The following CACNA1C variants were observed in gnomAD, a reference collection of about 807,000 sequenced individuals.
The protein encoded by CACNA1C is voltage-dependent L-type calcium channel subunit alpha-1C.
CACNA1C carries 30 observed loss-of-function variants against 229.0 expected under a neutral mutation model. The observed-to-expected ratio is 0.13, with a 90% confidence interval of 0.10 to 0.18. The LOEUF (loss-of-function observed/expected upper bound fraction) is 0.18, where lower values mean the gene tolerates loss of function less well. Ranked by LOEUF, CACNA1C falls within the 10% of genes least tolerant of loss-of-function variation. The pLI, the probability that CACNA1C is intolerant of heterozygous loss-of-function variation, is 1.00. For missense variants in CACNA1C, 1,658 were observed against 2,845.0 expected (o/e 0.58, Z 9.49); for synonymous variants, 1,114 against 1,132.5 (o/e 0.98, Z 0.33).
At chr12:2,584,442 C>A in intron 15 of CACNA1C, 61 bp from the exon 16 acceptor site, 2 of 1,205,528 alleles carry the variant, frequency 1.7e-6, no homozygotes, top group Non-Finnish European at 1.2e-6. Context: ...ATCCCCCGTG[C>A]CCCTGTGCCC....
chr12:2,116,878 C>T (rs563722479), intron 2 of CACNA1C, among the ~76,000 whole-genome samples: 2 of 152,268 alleles, frequency 1.3e-5, no homozygotes, highest in South Asian at 2.1e-4. Context: ...TAGGCTTCAT[C>T]GATGAGTTTC....
chr12:2,656,914 A>G (rs2095452623), intron 34 of CACNA1C, among the ~76,000 whole-genome samples: 1 of 152,214 alleles, frequency 6.6e-6, no homozygotes, highest in Non-Finnish European at 1.5e-5. Context: ...TAGACTTCTC[A>G]TTAACAAAAG....
At chr12:2,499,732 A>G (rs931999564) in intron 7 of CACNA1C, among the ~76,000 whole-genome samples, 4 of 152,140 alleles carry the variant, frequency 2.6e-5, no homozygotes, top group African/African-American at 9.7e-5. Context: ...AGACCTGAGG[A>G]ACACGGCTTA....
intron 3 of CACNA1C, among the ~76,000 whole-genome samples, chr12:2,184,973 C>A (rs929894526): frequency 6.6e-6 from 1 of 152,168 alleles, no homozygotes; most frequent in African/African-American, 2.4e-5. Flanking sequence ...GCATGTGGAG[C>A]TAATATTTTT....
intron 3 of CACNA1C, among the ~76,000 whole-genome samples, chr12:2,144,870 C>A (rs79441603): frequency 0.014 from 2,093 of 151,330 alleles, 56 homozygotes; most frequent in African/African-American, 0.046. Flanking sequence ...TACAAATCTT[C>A]ATGGGGAGTA....
chr12:2,596,534 A>G (rs939785749), intron 20 of CACNA1C, among the ~76,000 whole-genome samples: 1 of 152,212 alleles, frequency 6.6e-6, no homozygotes, highest in Non-Finnish European at 1.5e-5. Context: ...GTCCCAACCA[A>G]GTGGGCATGA....
At chr12:2,040,386 A>G (rs902972923) in intron 1 of CACNA1C, among the ~76,000 whole-genome samples, 3 of 152,102 alleles carry the variant, frequency 2.0e-5, no homozygotes, top group Non-Finnish European at 2.9e-5. Flanking sequence ...TACCTCCCCT[A>G]TAGGATTTAC....
chr12:2,185,499 G>A (rs1439342395), intron 3 of CACNA1C, among the ~76,000 whole-genome samples: 3 of 152,218 alleles, frequency 2.0e-5, no homozygotes, highest in Non-Finnish European at 2.9e-5. Context: ...AGGTGATTAA[G>A]TTAGCATGAG....
At chr12:2,445,225 A>G (rs2099266417) in intron 3 of CACNA1C, among the ~76,000 whole-genome samples, 1 of 152,108 alleles carries the variant, frequency 6.6e-6, no homozygotes. Context: ...TTCAGCTTGA[A>G]GATTCTTACT....
intron 1 of CACNA1C, among the ~76,000 whole-genome samples, chr12:1,998,961 C>A (rs1207567315): frequency 6.6e-6 from 1 of 152,174 alleles, no homozygotes; most frequent in Non-Finnish European, 1.5e-5. Flanking sequence ...AGCGTAATGT[C>A]AAAACAGCAG....
chr12:2,179,296 G>T (rs1328085705), intron 3 of CACNA1C, among the ~76,000 whole-genome samples: 1 of 152,226 alleles, frequency 6.6e-6, no homozygotes, highest in Non-Finnish European at 1.5e-5. Context: ...AAGTAAGTCG[G>T]GGAGGAGGTA....
intron 11 of CACNA1C, 111 bp downstream of exon 11, chr12:2,557,088 G>A (rs1173785511): frequency 2.5e-6 from 2 of 801,622 alleles, no homozygotes; most frequent in South Asian, 1.5e-5. Context: ...TGTAAGGGCT[G>A]TTCTTCTAAG....
At position 2,678,286 on chromosome 12, in the gene CACNA1C, C is replaced by T. The variant is rs114082397; in HGVS notation, c.5091+419C>T. The stretch of plus-strand genomic sequence containing the variant: ...AGGAGACCTGGTAATATTAAGCTTG[C>T]ATTCCCACAGGGCAGCAGAGGGCCG... On this transcript the variant is annotated intron_variant, in intron 41 of 46. Transcript: ENST00000399655. This position sits in a 1 kb window ranked among gnomAD's most constrained non-coding sequence, Gnocchi z 4.1. Among the ~76,000 whole-genome samples, 1,450 of 152,264 alleles carry T rather than the reference C, an allele frequency of 9.5e-3. 23 individuals carry two copies. The highest frequency in any genetic ancestry group is 0.033 in the African/African-American group (1,379 of 41,546).
intron 3 of CACNA1C, among the ~76,000 whole-genome samples, chr12:2,390,487 T>C (rs1416914354): frequency 6.6e-6 from 1 of 152,180 alleles, no homozygotes; most frequent in Non-Finnish European, 1.5e-5. Flanking sequence ...CTTAAAAAAC[T>C]GTTGGGGAAG....
intron 3 of CACNA1C, among the ~76,000 whole-genome samples, chr12:2,280,720 G>T (rs1158539773): frequency 7.6e-6 from 1 of 132,204 alleles, no homozygotes; most frequent in African/African-American, 2.9e-5. Context: ...GCTGTGCTTC[G>T]GTTTAACCTC....
intron 3 of CACNA1C, among the ~76,000 whole-genome samples, chr12:2,263,906 G>A (rs1203384577): frequency 6.6e-6 from 1 of 152,098 alleles, no homozygotes; most frequent in Non-Finnish European, 1.5e-5. Flanking sequence ...AAAGACCCAG[G>A]ATGTGCAAAG....
At chr12:2,627,439 G>C (rs780574881) in intron 29 of CACNA1C, among the ~76,000 whole-genome samples, 2 of 151,878 alleles carry the variant, frequency 1.3e-5, no homozygotes. Flanking sequence ...CACCACCACC[G>C]CCGCCAGCTG....
At chr12:2,485,875 C>T (rs1429806790) in intron 5 of CACNA1C, among the ~76,000 whole-genome samples, 1 of 152,198 alleles carries the variant, frequency 6.6e-6, no homozygotes, top group East Asian at 1.9e-4. Context: ...ACAGCAGCTG[C>T]CAGTCCTTTG....
intron 9 of CACNA1C, among the ~76,000 whole-genome samples, chr12:2,541,158 ACT>A (rs976382068): frequency 6.6e-6 from 1 of 151,764 alleles, no homozygotes; most frequent in Non-Finnish European, 1.5e-5. Flanking sequence ...CTCTTTCAAG[ACT>A]CTGTCTCCAA....
Sources: gnomAD v4.1 joint callset for allele counts (sites outside exome capture counted in the v4.1 genomes callset) on GRCh38, gnomAD v4.1.1 for gene constraint, Gnocchi (gnomAD v3.1) non-coding constraint, MANE v1.5 for transcripts, NCBI Gene and HGNC (gene_info 2026-07-23, HGNC 2026-07-21) for gene names.